The following OR7E24 variants were observed in gnomAD, a reference collection of about 807,000 sequenced individuals.
OR7E24 encodes the protein olfactory receptor family 7 subfamily E member 24, also known as olfactory receptor 7E24.
For missense variants in OR7E24, 385 were observed against 410.3 expected, an observed-to-expected ratio of 0.94 and a Z score of 0.53; for synonymous variants, 130 against 157.5, an observed-to-expected ratio of 0.83 and a Z score of 1.31.
chr19:9,212,462 G>T, the OR7E24 span: 1 of 152,072 alleles, frequency 6.6e-6, no homozygotes, highest in Admixed American at 6.6e-5. Flanking sequence ...AATATCTTTT[G>T]ATACCATCAA....
the OR7E24 span, among the ~76,000 whole-genome samples, chr19:9,227,194 C>T: frequency 6.6e-6 from 1 of 151,994 alleles, no homozygotes; most frequent in Non-Finnish European, 1.5e-5. Context: ...TGGCCTCCAG[C>T]TCCATCCATG....
At chr19:9,249,964 A>T (rs1370059926), upstream of OR7E24, among the ~76,000 whole-genome samples, 2 of 146,778 alleles carry the variant, frequency 1.4e-5, no homozygotes, top group Non-Finnish European at 3.0e-5. Flanking sequence ...CTCAGGTCTT[A>T]AAAAAAAAAA....
Position 9,251,664 on chromosome 19 carries a change from T to G in OR7E24, c.621T>G (p.Cys207Trp). Reference sequence around the variant, plus strand: ...CTTCTCAACTCCTCCACCTTAGGTGTTCCGACACCTTCATCAATGAAATGG... The same window carrying G: ...CTTCTCAACTCCTCCACCTTAGGTGGTCCGACACCTTCATCAATGAAATGG... ...CDPSQLLHLR[C>W]SDTFINEMVI... is the part of the protein sequence containing the mutation. Residue 207 changes from cysteine (C) to tryptophan (W), a missense_variant, in exon 1 of 1, where the codon TGT becomes TGG. Cys to Trp is a radical substitution (Grantham distance 215). Transcript: ENST00000456448. 2 of 1,613,868 alleles carry G rather than the reference T, an allele frequency of 1.2e-6. No homozygotes were observed. Among genetic ancestry groups the G allele is most frequent in the Non-Finnish European group, 1.7e-6 (2 of 1,179,868 alleles).
At chr19:9,241,634 G>A in the OR7E24 span, among the ~76,000 whole-genome samples, 6 of 152,084 alleles carry the variant, frequency 3.9e-5, no homozygotes, top group Non-Finnish European at 8.8e-5. Context: ...TGTGGTGGTG[G>A]GTGCCTGTAA....
chr19:9,206,861 T>C, the OR7E24 span: 2 of 152,236 alleles, frequency 1.3e-5, no homozygotes, highest in South Asian at 4.1e-4. Context: ...GCCCTCAACC[T>C]TGGCTTTTAT....
At chr19:9,239,811 C>T in the OR7E24 span, among the ~76,000 whole-genome samples, 1 of 150,034 alleles carries the variant, frequency 6.7e-6, no homozygotes, top group Non-Finnish European at 1.5e-5. Flanking sequence ...CAGCTTCAAG[C>T]AATTCTCCTG....
At chr19:9,208,560 T>TAATTTCAG in the OR7E24 span, 2 of 152,138 alleles carry the variant, frequency 1.3e-5, no homozygotes, top group Non-Finnish European at 2.9e-5. Flanking sequence ...TCATCATAAA[T>TAATTTCAG]AATTTCAGGG....
chr19:9,218,283 C>T, the OR7E24 span, among the ~76,000 whole-genome samples: 34 of 150,848 alleles, frequency 2.3e-4, no homozygotes, highest in Non-Finnish European at 3.0e-5. Context: ...ATATTCATAT[C>T]TCTTTTAAAA....
At chr19:9,239,857 T>A in the OR7E24 span, among the ~76,000 whole-genome samples, 80 of 151,832 alleles carry the variant, frequency 5.3e-4, no homozygotes, top group Non-Finnish European at 9.3e-4. Flanking sequence ...TACAGGCACA[T>A]GCCACAGTGC....
At chr19:9,215,372 T>G in the OR7E24 span, among the ~76,000 whole-genome samples, 1 of 152,022 alleles carries the variant, frequency 6.6e-6, no homozygotes, top group Non-Finnish European at 1.5e-5. Context: ...AAAACCTCTT[T>G]TTTTCATTTA....
Position 9,252,113 on chromosome 19 carries a change from T to C in OR7E24, c.*50T>C, listed in dbSNP as rs1817904893. 2 of 1,518,236 alleles carry C rather than the reference T, an allele frequency of 1.3e-6. No individual in the cohort carries two copies. Among genetic ancestry groups the C allele is most frequent in the Non-Finnish European group, 1.8e-6 (2 of 1,116,648 alleles). The allele number at this position is 1,518,236 out of a possible 1,614,324, so 94.0% of individuals were successfully genotyped here. A position where few individuals can be genotyped will look rare whatever the true frequency, so the allele number is the denominator to read the frequency against. On this transcript the variant is annotated 3_prime_UTR_variant, in exon 1 of 1. Coordinates refer to ENST00000456448, the MANE Select transcript of OR7E24 (RefSeq NM_001079935.2). ...AGGCCTGCAAATTCTGCCTCCTTGG[T>C]CACATTATTTTGGTTGCTTGATGGC...
At chr19:9,208,027 A>G in the OR7E24 span, 1 of 145,928 alleles carries the variant, frequency 6.9e-6, no homozygotes, top group Non-Finnish European at 1.5e-5. Flanking sequence ...CAAAATAACT[A>G]GATTAGTTTC....
At chr19:9,222,952 TTACTATGTTGAGGTA>T in the OR7E24 span, among the ~76,000 whole-genome samples, 2 of 152,230 alleles carry the variant, frequency 1.3e-5, no homozygotes, top group African/African-American at 4.8e-5. Context: ...TGTGTGGTTT[TTACTATGTTGAGGTA>T]TATTCCTTCT....
the OR7E24 span, among the ~76,000 whole-genome samples, chr19:9,216,537 G>A: frequency 6.6e-6 from 1 of 152,142 alleles, no homozygotes; most frequent in Non-Finnish European, 1.5e-5. Context: ...CATGTCATTT[G>A]TCTACTATGA....
chr19:9,234,963 G>T, the OR7E24 span, among the ~76,000 whole-genome samples: 3 of 152,280 alleles, frequency 2.0e-5, no homozygotes, highest in South Asian at 6.2e-4. Flanking sequence ...AAAGGAGAAA[G>T]ATTACTGCTA....
the OR7E24 span, chr19:9,214,697 C>T: frequency 6.2e-7 from 1 of 1,613,986 alleles, no homozygotes; most frequent in South Asian, 1.1e-5. Flanking sequence ...AGCTGACGGC[C>T]AGAATGATGA....
the OR7E24 span, among the ~76,000 whole-genome samples, chr19:9,239,795 G>A: frequency 6.5e-5 from 9 of 137,500 alleles, no homozygotes; most frequent in Admixed American, 3.2e-4. Context: ...TGCAACCTCC[G>A]CCTCCCAGCT....
chr19:9,212,499 T>C, the OR7E24 span: 5 of 152,276 alleles, frequency 3.3e-5, no homozygotes, highest in African/African-American at 9.6e-5. Flanking sequence ...TGATATAGAA[T>C]ACAATGGCCC....
chr19:9,247,547 G>C (rs1295802765), upstream of OR7E24: 1 of 398,602 alleles, frequency 2.5e-6, no homozygotes, highest in Non-Finnish European at 4.4e-6. Context: ...TGGGAGCCTT[G>C]TTTCCTCATC....
Sources: allele counts gnomAD v4.1 joint callset (sites outside exome capture counted in the v4.1 genomes callset), GRCh38; gene constraint gnomAD v4.1.1; transcripts MANE v1.5; gene names NCBI Gene and HGNC (gene_info 2026-07-23, HGNC 2026-07-21).